Variants in RYR1 observed in about 807,000 individuals in gnomAD.
RYR1 encodes the protein central core disease of muscle.
A neutral mutation model predicts 583.5 loss-of-function variants in RYR1; 342 were observed. The ratio of observed to expected loss-of-function variants is 0.59; its 90% CI spans 0.54 to 0.64. RYR1 has a LOEUF of 0.64. RYR1 is among the 30% of genes least tolerant of loss of function. The probability of loss-of-function intolerance (pLI) is 0.00; values close to 1 mark genes in which losing one functional copy is unlikely to be tolerated. For synonymous variants in RYR1, 2,791 were observed against 2,822.5 expected (o/e 0.99, Z 0.35); for missense variants, 6,032 against 6,917.2 (o/e 0.87, Z 4.54).
In RYR1 at chr19:38,492,553, T is replaced by G. The variant is rs200388510; in HGVS notation, c.6191T>G (p.Met2064Arg). 2 of 1,614,046 alleles carry G rather than the reference T, an allele frequency of 1.2e-6. No homozygotes were observed. The highest frequency in any genetic ancestry group is 1.7e-6 in the Non-Finnish European group (2 of 1,179,974). ...GAGACCACCCTGGGCAGCCGCCTCATGAGCCTGTTGGAGAAAGTGCGGCTG... is the reference window on the plus strand; with the variant it reads ...GAGACCACCCTGGGCAGCCGCCTCAGGAGCCTGTTGGAGAAAGTGCGGCTG... ...EEETTLGSRL[M>R]SLLEKVRLVK... is the part of the protein sequence containing the mutation. The change falls in exon 38 of 106, where the codon ATG becomes AGG. Residue 2064 changes from methionine (M) to arginine (R), a missense_variant. By Grantham distance (91) the Met-to-Arg change is moderately conservative. This residue lies in a region of RYR1 where 2,627 missense variants were observed against 2,961.3 expected (regional missense o/e 0.89). Transcript: ENST00000359596.
chr19:38,452,916 A>C lies in RYR1; in HGVS notation c.1342A>C (p.Ile448Leu). The C allele has an allele frequency of 6.2e-7, 1 of 1,613,844 alleles. No individual in the cohort carries two copies. Among genetic ancestry groups the C allele is most frequent in the Non-Finnish European group, 8.5e-7 (1 of 1,179,824 alleles). The change falls in exon 13 of 106, where the codon ATC becomes CTC. Residue 448 changes from isoleucine to leucine, a missense_variant. Coordinates refer to ENST00000359596, the MANE Select transcript of RYR1 (RefSeq NM_000540.3). ...EGVILSLQDL[I>L]IYFEPPSEDL... Reference sequence around the variant, plus strand: ...CGTTATCCTGAGCCTGCAGGACCTCATCATCTACTTCGAGCCTCCCTCCGA... The same window carrying C: ...CGTTATCCTGAGCCTGCAGGACCTCCTCATCTACTTCGAGCCTCCCTCCGA...
At chr19:38,476,594 A>G (rs1968743324) in intron 29 of RYR1, among the ~76,000 whole-genome samples, 1 of 152,064 alleles carries the variant, frequency 6.6e-6, no homozygotes, top group South Asian at 2.1e-4. Flanking sequence ...CAGACTCCCA[A>G]AGTACTGGGA....
intron 31 of RYR1, among the ~76,000 whole-genome samples, chr19:38,482,072 A>G (rs1220067573): frequency 6.6e-6 from 1 of 152,190 alleles, no homozygotes; most frequent in Non-Finnish European, 1.5e-5. Flanking sequence ...CCTGGATGAC[A>G]GAGTGAGACG....
intron 19 of RYR1, 32 bp from the exon 20 acceptor site, chr19:38,460,343 C>T: frequency 6.3e-7 from 1 of 1,597,782 alleles, no homozygotes; most frequent in Non-Finnish European, 8.6e-7. Context: ...ATAACCTCCC[C>T]TCAATGATCC....
At chr19:38,524,437 C>A (rs918165401) in intron 70 of RYR1, among the ~76,000 whole-genome samples, 7 of 152,146 alleles carry the variant, frequency 4.6e-5, no homozygotes, top group African/African-American at 1.7e-4. Flanking sequence ...ATCCAGCCAG[C>A]AGCCCCCACC....
At chr19:38,481,117 CTTAT>C (rs941907108) in intron 31 of RYR1, among the ~76,000 whole-genome samples, 1 of 151,780 alleles carries the variant, frequency 6.6e-6, no homozygotes, top group African/African-American at 2.4e-5. Context: ...CGTACTCAAC[CTTAT>C]TTATTTATTT....
chr19:38,565,722 C>T lies in RYR1; in HGVS notation c.13388C>T (p.Ala4463Val), dbSNP rs1350916629. 7 of 1,429,444 alleles carry T rather than the reference C, an allele frequency of 4.9e-6. No individual in the cohort carries two copies. Among genetic ancestry groups the T allele is most frequent in the South Asian group, 4.3e-5 (3 of 69,128 alleles). The allele number at this position is 1,429,444 out of a possible 1,614,324, so 88.5% of individuals were successfully genotyped here. A position where few individuals can be genotyped will look rare whatever the true frequency, so the allele number is the denominator to read the frequency against. ...GLGDMGDTTP[A>V]EPPTPEGSPI... ...GGGGACATGGGGGACACGACGCCTG[C>T]GGAACCGCCCACACCCGAGGGCTCT... is the stretch of plus-strand genomic sequence containing the variant. Residue 4463 changes from alanine to valine, a missense_variant, in exon 91 of 106, where the codon GCG becomes GTG. Around this residue, in one of 11 missense-constraint regions of RYR1, gnomAD observed 753 missense variants for 759.6 expected, o/e 0.99. Coordinates refer to ENST00000359596, the MANE Select transcript of RYR1 (RefSeq NM_000540.3). The surrounding 1 kb of genome is among the most constrained non-coding windows in gnomAD (Gnocchi z 4.7).
At position 38,499,122 on chromosome 19, in the gene RYR1, G is replaced by T; in HGVS notation, c.6906G>T (p.Leu2302=). Residue 2302 remains leucine (L), a synonymous_variant, in exon 43 of 106, where the codon CTG becomes CTT. Transcript: ENST00000359596. The surrounding 1 kb of genome is among the most constrained non-coding windows in gnomAD (Gnocchi z 7.3). The stretch of plus-strand genomic sequence containing the variant: ...TCTGCCCCCAGGTTGTGTCCTACCT[G>T]GCAGGCTGTGGCCTCCAGAGCTGCC... ...EQDLEKVVSY[L]AGCGLQSCPM... is the part of the protein sequence containing the mutation. The T allele has an allele frequency of 1.9e-6, 3 of 1,614,140 alleles. No homozygotes were observed. The South Asian group carries it at 3.3e-5, about 18-fold the overall frequency.
intron 49 of RYR1, 51 bp downstream of exon 49, chr19:38,503,021 T>A: frequency 6.3e-7 from 1 of 1,575,436 alleles, no homozygotes. Flanking sequence ...ACCCACTGGT[T>A]TGCTCTTCCC....
rs775360976 is a variant in RYR1 at position 38,567,904 on chromosome 19, G to T, written c.13646G>T (p.Arg4549Met). The change falls in exon 93 of 106, where the codon AGG becomes ATG. Residue 4549 changes from arginine to methionine, a missense_variant. Transcript: ENST00000359596. ...GEFWGELEVQ[R>M]VKFLNYLSRN... ...TTCTGGGGAGAACTGGAGGTGCAGA[G>T]GGTGAAGTTCCTGGTAAGGATCCAG... is the stretch of plus-strand genomic sequence containing the variant. The T allele has an allele frequency of 1.2e-6, 2 of 1,613,554 alleles. No homozygotes were observed. The highest frequency in any genetic ancestry group is 1.7e-6 in the Non-Finnish European group (2 of 1,179,970).
At position 38,561,329 on chromosome 19, in the gene RYR1, G is replaced by A. The variant is rs772494345; in HGVS notation, c.12499G>A (p.Glu4167Lys). Residue 4167 changes from glutamate (E) to lysine (K), a missense_variant, in exon 90 of 106, where the codon GAG becomes AAG. Coordinates refer to ENST00000359596, the MANE Select transcript of RYR1 (RefSeq NM_000540.3). The surrounding 1 kb of genome is among the most constrained non-coding windows in gnomAD (Gnocchi z 4.8). Reference protein sequence around the residue: ...PRLHNFLELAESILEYFRPYL... With the variant: ...PRLHNFLELAKSILEYFRPYL... ...CCTGCACAACTTCCTGGAGCTGGCC[G>A]AGAGCATCCTTGAGTACTTCCGCCC... 2 of 1,614,032 alleles carry A rather than the reference G, an allele frequency of 1.2e-6. No homozygotes were observed. The highest frequency in any genetic ancestry group is 1.7e-6 in the Non-Finnish European group (2 of 1,180,044).
chr19:38,464,643 C>T lies in RYR1; in HGVS notation c.2791C>T (p.Leu931=). Residue 931 remains leucine, a synonymous_variant, in exon 23 of 106, where the codon CTG becomes TTG. Transcript: ENST00000359596. ...LQMSGETLKT[L]LALGCHVGMA... ...CCTCCACTCCCCCACCCCCAGGACT[C>T]TGCTGGCTCTGGGCTGCCACGTGGG... The T allele has an allele frequency of 1.3e-6, 2 of 1,581,582 alleles. No individual in the cohort carries two copies. The highest frequency in any genetic ancestry group is 1.7e-6 in the Non-Finnish European group (2 of 1,163,630).
Position 38,433,886 on chromosome 19 carries a change from TG to T in RYR1, c.45+15del, listed in dbSNP as rs758098052. ...AGTTCCTGCGGACGGTGCGTATCTC[TG>T]GGTTAGGGGCCTGTGGGGCTATCTC... On this transcript the variant is annotated intron_variant, in intron 1 of 105. Coordinates refer to ENST00000359596, the MANE Select transcript of RYR1 (RefSeq NM_000540.3). The T allele has an allele frequency of 4.3e-6, 7 of 1,610,970 alleles. No homozygotes were observed. The highest frequency in any genetic ancestry group is 5.1e-6 in the Non-Finnish European group (6 of 1,177,260).
chr19:38,584,819 T>C (rs1314006799), intron 101 of RYR1, 124 bp from the exon 102 acceptor site: 2 of 1,162,288 alleles, frequency 1.7e-6, no homozygotes, highest in African/African-American at 3.0e-5. Context: ...TGTGAGCCCT[T>C]TGAGGGCAGG....
chr19:38,581,537 C>A (rs1390751360), intron 101 of RYR1, among the ~76,000 whole-genome samples: 1 of 151,186 alleles, frequency 6.6e-6, no homozygotes, highest in East Asian at 2.0e-4. Context: ...TTGAACAGTG[C>A]CAGGCATATG....
intron 13 of RYR1, among the ~76,000 whole-genome samples, chr19:38,453,665 A>G (rs1391223883): frequency 6.6e-6 from 1 of 151,712 alleles, no homozygotes; most frequent in Non-Finnish European, 1.5e-5. Context: ...GGTAAGGGGT[A>G]GGGAGTGTTG....
At chr19:38,532,566 G>A (rs777477250) in intron 77 of RYR1, 25 bp downstream of exon 77, 19 of 1,613,870 alleles carry the variant, frequency 1.2e-5, no homozygotes, top group Non-Finnish European at 1.5e-5. Flanking sequence ...CCCTCTTCTG[G>A]GGCAGATTTC....
At chr19:38,504,640 T>A in intron 50 of RYR1, 108 bp from the exon 51 acceptor site, 1 of 1,452,794 alleles carries the variant, frequency 6.9e-7, no homozygotes, top group Non-Finnish European at 9.6e-7. Context: ...TAATTCAGGT[T>A]TGGGGTTCAG....
chr19:38,448,293 CTG>C (rs1966893360), intron 9 of RYR1, 60 bp from the exon 10 acceptor site: 1 of 1,541,028 alleles, frequency 6.5e-7, no homozygotes, highest in Non-Finnish European at 8.8e-7. Context: ...GAAGAAAAGA[CTG>C]TAATGTCCAT....
Sources: gnomAD v4.1 joint callset for allele counts (sites outside exome capture counted in the v4.1 genomes callset) on GRCh38, gnomAD v4.1.1 for gene constraint, gnomAD v4.1.1 regional missense constraint, Gnocchi (gnomAD v3.1) non-coding constraint, MANE v1.5 for transcripts, NCBI Gene and HGNC (gene_info 2026-07-23, HGNC 2026-07-21) for gene names.